The following CSMD2 variants were observed in gnomAD, a reference collection of about 807,000 sequenced individuals.
CSMD2 encodes CUB and Sushi multiple domains 2.
In CSMD2, 130 loss-of-function variants were observed where a neutral mutation model predicts 398.5. The observed-to-expected ratio is 0.33, with a 90% CI of 0.28 to 0.38. The LOEUF (loss-of-function observed/expected upper bound fraction) is 0.38. Among genes scored for constraint, CSMD2 ranks in the 10% least tolerant of loss-of-function variants. The pLI is 1.00. For synonymous variants in CSMD2, 1,828 were observed against 1,908.5 expected, an observed-to-expected ratio of 0.96 and a Z score of 1.10; for missense variants, 3,829 against 4,764.9, an observed-to-expected ratio of 0.80 and a Z score of 5.78.
intron 54 of CSMD2, among the ~76,000 whole-genome samples, chr1:33,558,423 A>C (rs1280613768): frequency 9.2e-5 from 14 of 152,208 alleles, no homozygotes; most frequent in Admixed American, 8.5e-4. Flanking sequence ...ATTTGACTTT[A>C]AAATCTTAAA....
chr1:33,873,163 C>G (rs1640595217), intron 5 of CSMD2, among the ~76,000 whole-genome samples: 2 of 152,196 alleles, frequency 1.3e-5, no homozygotes, highest in Non-Finnish European at 2.9e-5. Context: ...ACACCTGCAC[C>G]TGATTTAGAT....
intron 1 of CSMD2, among the ~76,000 whole-genome samples, chr1:34,140,175 CTA>C (rs2148521964): frequency 6.6e-6 from 1 of 151,932 alleles, no homozygotes; most frequent in African/African-American, 2.4e-5. Flanking sequence ...ACACACAATT[CTA>C]TGAGAATGAT....
chr1:34,038,357 C>T (rs1013969943), intron 2 of CSMD2, among the ~76,000 whole-genome samples: 2 of 152,180 alleles, frequency 1.3e-5, no homozygotes, highest in East Asian at 3.8e-4. Flanking sequence ...GAGTTATCCT[C>T]CTTGCAGACT....
At chr1:33,907,520 G>T (rs545716826) in intron 5 of CSMD2, among the ~76,000 whole-genome samples, 1 of 152,232 alleles carries the variant, frequency 6.6e-6, no homozygotes, top group South Asian at 2.1e-4. Flanking sequence ...GGGGAGAGAA[G>T]ACTTGAGGGT....
In CSMD2 at chr1:33,633,342, G is replaced by A; in HGVS notation, c.5200+80C>T. On this transcript the variant is annotated intron_variant, in intron 32 of 70. Transcript: ENST00000373381. This position sits in a 1 kb window ranked among gnomAD's most constrained non-coding sequence, Gnocchi z 5.0. ...AGGGTTCCACCTGCGGCCATGGGGT[G>A]CTTCTAGAGCCTCCTTCCTTTAGCC... 9.6e-7 allele frequency: 1 copy of A among 1,043,986 alleles called. No homozygotes were observed. Among genetic ancestry groups the A allele is most frequent in the Admixed American group, 2.0e-5 (1 of 49,768 alleles). 64.7% of individuals were successfully genotyped at this position (1,043,986 alleles called of 1,614,324 possible).
At chr1:33,597,442 T>C (rs558856391) in intron 44 of CSMD2, among the ~76,000 whole-genome samples, 1 of 152,224 alleles carries the variant, frequency 6.6e-6, no homozygotes, top group Non-Finnish European at 1.5e-5. Context: ...TCTTTCTCCT[T>C]GGAGCAGGAA....
chr1:33,666,292 A>G (rs1174023825), intron 25 of CSMD2, among the ~76,000 whole-genome samples: 1 of 152,212 alleles, frequency 6.6e-6, no homozygotes, highest in African/African-American at 2.4e-5. Flanking sequence ...GATTATATAC[A>G]CATTGATTAA....
intron 25 of CSMD2, among the ~76,000 whole-genome samples, chr1:33,692,376 T>G (rs996518289): frequency 6.6e-6 from 1 of 152,188 alleles, no homozygotes; most frequent in African/African-American, 2.4e-5. Context: ...GTCCTCATTT[T>G]AAAGATGAGG....
intron 25 of CSMD2, among the ~76,000 whole-genome samples, chr1:33,665,457 TCTC>T (rs1197925904): frequency 1.5e-5 from 2 of 133,998 alleles, no homozygotes; most frequent in Admixed American, 1.5e-4. Context: ...TTCTTTCTTC[TCTC>T]TTTTTTTTTT....
chr1:33,777,890 A>G (rs1237295040), intron 12 of CSMD2, among the ~76,000 whole-genome samples: 3 of 152,210 alleles, frequency 2.0e-5, no homozygotes, highest in Admixed American at 6.5e-5. Context: ...ATGTCTGTAC[A>G]GAAGGGACTG....
At chr1:33,861,988 G>T (rs1639554720) in intron 5 of CSMD2, among the ~76,000 whole-genome samples, 1 of 152,066 alleles carries the variant, frequency 6.6e-6, no homozygotes. Context: ...AAACCAGAGG[G>T]TATGGGATCC....
At chr1:33,600,154 C>G (rs773768860) in intron 44 of CSMD2, 4 of 715,094 alleles carry the variant, frequency 5.6e-6, no homozygotes, top group Non-Finnish European at 7.8e-6. Context: ...GGGAAGGGAC[C>G]TGTGCAAGGT....
At chr1:33,767,751 T>G (rs1024292723) in intron 13 of CSMD2, among the ~76,000 whole-genome samples, 1 of 152,232 alleles carries the variant, frequency 6.6e-6, no homozygotes, top group African/African-American at 2.4e-5. Context: ...CTACCTTTCT[T>G]GGATTTGTCT....
At chr1:33,906,458 C>T (rs1643094986) in intron 5 of CSMD2, among the ~76,000 whole-genome samples, 1 of 152,054 alleles carries the variant, frequency 6.6e-6, no homozygotes, top group South Asian at 2.1e-4. Context: ...TTACATCCCT[C>T]AAAGAAGAAA....
chr1:33,884,995 CTG>C (rs1422885357), intron 5 of CSMD2: 1 of 152,198 alleles, frequency 6.6e-6, no homozygotes, highest in Non-Finnish European at 1.5e-5. Context: ...AGAAAAACAA[CTG>C]TTATAATTAT....
At chr1:33,697,274 T>G (rs906922113) in intron 24 of CSMD2, among the ~76,000 whole-genome samples, 1 of 152,200 alleles carries the variant, frequency 6.6e-6, no homozygotes, top group Non-Finnish European at 1.5e-5. Context: ...GCATCACCCT[T>G]CCTGGCCTGA....
At chr1:33,805,684 T>A (rs1288105344) in intron 10 of CSMD2, among the ~76,000 whole-genome samples, 1 of 151,966 alleles carries the variant, frequency 6.6e-6, no homozygotes, top group Admixed American at 6.6e-5. Flanking sequence ...GGTAGTGGTG[T>A]CCTTATGGGA....
intron 3 of CSMD2, among the ~76,000 whole-genome samples, chr1:34,027,249 A>C (rs1311414379): frequency 6.6e-6 from 1 of 152,230 alleles, no homozygotes; most frequent in Non-Finnish European, 1.5e-5. Context: ...TACAATTATC[A>C]GTACATGGCC....
chr1:33,825,786 G>A lies in CSMD2; in HGVS notation c.1034-12C>T, dbSNP rs929458903. 19 of 1,611,054 alleles carry A rather than the reference G, an allele frequency of 1.2e-5. No individual in the cohort carries two copies. The highest frequency in any genetic ancestry group is 1.6e-5 in the Non-Finnish European group (19 of 1,177,724). On this transcript the variant is annotated splice_polypyrimidine_tract_variant and intron_variant, in intron 6 of 70. Coordinates refer to ENST00000373381, the MANE Select transcript of CSMD2 (RefSeq NM_001281956.2). The stretch of plus-strand genomic sequence containing the variant: ...AATTTGCTTCTTGACTAGAGAGGAG[G>A]TAAGAGGAAAAACAATGTGAGTTGT...
Sources: allele counts gnomAD v4.1 joint callset (sites outside exome capture counted in the v4.1 genomes callset), GRCh38; gene constraint gnomAD v4.1.1; non-coding constraint Gnocchi (gnomAD v3.1); transcripts MANE v1.5; gene names NCBI Gene and HGNC (gene_info 2026-07-23, HGNC 2026-07-21).